Variants in APLP2 observed in about 807,000 individuals in gnomAD.
APLP2 encodes amyloid beta precursor like protein 2, also known as CDEI box-binding protein.
Under a neutral mutation model 89.9 loss-of-function variants are expected in APLP2, and 53 were observed. The observed-to-expected ratio is 0.59, with a 90% CI of 0.47 to 0.74. The LOEUF is 0.74. APLP2 is among the 30% of genes least tolerant of loss of function. The pLI is 0.00. For missense variants in APLP2, 973 were observed against 975.9 expected (o/e 1.00, Z 0.04); for synonymous variants, 372 against 348.6 (o/e 1.07, Z -0.75).
Position 130,110,531 on chromosome 11 carries a change from T to C in APLP2, c.280-7T>C, listed in dbSNP as rs1430901163. ...ATTTATTGTGTGTGTGTTTGTTTTCTTAACAGATGTATCCAGAGCTACAGA... is the reference window on the plus strand; with the variant it reads ...ATTTATTGTGTGTGTGTTTGTTTTCCTAACAGATGTATCCAGAGCTACAGA... On this transcript the variant is annotated splice_region_variant and splice_polypyrimidine_tract_variant and intron_variant, in intron 2 of 16. Transcript: ENST00000338167. The C allele has an allele frequency of 6.2e-7, 1 of 1,611,582 alleles. No individual in the cohort carries two copies. The highest frequency in any genetic ancestry group is 2.2e-5 in the East Asian group (1 of 44,860).
At chr11:130,093,829 C>T (rs539009237) in intron 1 of APLP2, among the ~76,000 whole-genome samples, 272 of 150,108 alleles carry the variant, frequency 1.8e-3, no homozygotes, top group African/African-American at 6.3e-3. Context: ...CCGCAACCTC[C>T]GCCTCCCTGG....
At chr11:130,094,937 C>G (rs569630989) in intron 1 of APLP2, among the ~76,000 whole-genome samples, 1 of 152,304 alleles carries the variant, frequency 6.6e-6, no homozygotes, top group African/African-American at 2.4e-5. Context: ...GCTAGTGTGT[C>G]TGACTACACT....
chr11:130,098,501 G>C (rs569107052), intron 1 of APLP2, among the ~76,000 whole-genome samples: 19 of 152,212 alleles, frequency 1.2e-4, no homozygotes, highest in African/African-American at 4.6e-4. Context: ...GTCAATTTCA[G>C]ATCTCTGACA....
chr11:130,083,026 C>CTTTTCTTTTTTTTTTT (rs1943479091), intron 1 of APLP2, among the ~76,000 whole-genome samples: 1 of 72,488 alleles, frequency 1.4e-5, no homozygotes, highest in African/African-American at 6.3e-5. Flanking sequence ...CTTTTCTTTT[C>CTTTTCTTTTTTTTTTT]TTTTTTTTTT....
At chr11:130,121,452 A>G (rs1949807482) in intron 4 of APLP2, among the ~76,000 whole-genome samples, 162 bp from the exon 5 acceptor site, 1 of 151,604 alleles carries the variant, frequency 6.6e-6, no homozygotes, top group Non-Finnish European at 1.5e-5. Context: ...ATCTTACAAT[A>G]ATATTATTAC....
chr11:130,086,629 C>G (rs375357330), intron 1 of APLP2, among the ~76,000 whole-genome samples: 1 of 152,060 alleles, frequency 6.6e-6, no homozygotes, highest in African/African-American at 2.4e-5. Context: ...AAGTCTTCTT[C>G]TAAGCTAAGA....
At chr11:130,136,486 G>A (rs12793546) in intron 13 of APLP2, among the ~76,000 whole-genome samples, 30,525 of 152,084 alleles carry the variant, frequency 0.2, 6,197 homozygotes, top group African/African-American at 0.53. Context: ...TAACTTGCCC[G>A]AGGTCATGTA....
rs533597302 is a variant in APLP2 at position 130,142,150 on chromosome 11, G to A, written c.2154+76G>A. 3.9e-5 allele frequency: 56 copies of A among 1,431,912 alleles called. No individual in the cohort carries two copies. In the Admixed American group the frequency reaches 1.1e-3, roughly 29 times the overall value. The allele number at this position is 1,431,912 out of a possible 1,614,324, so 88.7% of individuals were successfully genotyped here. On this transcript the variant is annotated intron_variant, in intron 16 of 16. Coordinates refer to ENST00000338167, the MANE Select transcript of APLP2 (RefSeq NM_001142276.2). ...GGGTGGGAACCTGTGGAATTAATAGGCATCTTCACTCCTCGAGTACTGGAC... is the reference window on the plus strand; with the variant it reads ...GGGTGGGAACCTGTGGAATTAATAGACATCTTCACTCCTCGAGTACTGGAC...
chr11:130,127,502 T>C (rs551230631), intron 8 of APLP2, among the ~76,000 whole-genome samples: 2 of 152,260 alleles, frequency 1.3e-5, no homozygotes, highest in Admixed American at 6.5e-5. Flanking sequence ...ATTTTTTTGG[T>C]GAGGAGACTA....
intron 5 of APLP2, among the ~76,000 whole-genome samples, 166 bp from the exon 6 acceptor site, chr11:130,122,139 C>T (rs56282419): frequency 2.6e-5 from 4 of 152,138 alleles, no homozygotes; most frequent in Non-Finnish European, 5.9e-5. Context: ...ACAAATACTT[C>T]CCGTTTGCTG....
In APLP2 at chr11:130,106,567, T is replaced by C. The variant is rs143253795; in HGVS notation, c.106-2862T>C. Among the ~76,000 whole-genome samples the C allele has an allele frequency of 2.6e-3, 391 of 152,250 alleles. 3 individuals carry two copies. Among genetic ancestry groups the C allele is most frequent in the African/African-American group, 8.9e-3 (371 of 41,528 alleles). Reference sequence around the variant, plus strand: ...CTGCAGACTCTTGTCCCGGCATGCCTCTCCCACCATCTCTCTGCCTCAAAA... The same window carrying C: ...CTGCAGACTCTTGTCCCGGCATGCCCCTCCCACCATCTCTCTGCCTCAAAA... On this transcript the variant is annotated intron_variant, in intron 1 of 16. Coordinates refer to ENST00000338167, the MANE Select transcript of APLP2 (RefSeq NM_001142276.2).
At chr11:130,078,400 CTG>C (rs1443211464) in intron 1 of APLP2, among the ~76,000 whole-genome samples, 2 of 143,188 alleles carry the variant, frequency 1.4e-5, no homozygotes, top group African/African-American at 5.8e-5. Context: ...ATGCTGTTCT[CTG>C]TGTGGTTTGC....
At chr11:130,095,967 T>C (rs1020483776) in intron 1 of APLP2, among the ~76,000 whole-genome samples, 1 of 151,324 alleles carries the variant, frequency 6.6e-6, no homozygotes, top group South Asian at 2.1e-4. Context: ...AGTCACATTC[T>C]AGTGATGGGA....
intron 12 of APLP2, among the ~76,000 whole-genome samples, chr11:130,134,488 A>G (rs1332179602): frequency 6.6e-6 from 1 of 152,214 alleles, no homozygotes; most frequent in Non-Finnish European, 1.5e-5. Flanking sequence ...CAGGGACCAG[A>G]TGAGGAAGAA....
intron 2 of APLP2, 53 bp downstream of exon 2, chr11:130,109,655 A>G (rs563576660): frequency 6.4e-7 from 1 of 1,551,312 alleles, no homozygotes; most frequent in Non-Finnish European, 8.7e-7. Flanking sequence ...GCAGGGTTGA[A>G]TCTGTTTACC....
chr11:130,123,601 T>C lies in APLP2; in HGVS notation c.923-11T>C. 1 of 1,610,732 alleles carries C rather than the reference T, an allele frequency of 6.2e-7. No homozygotes were observed. On this transcript the variant is annotated splice_polypyrimidine_tract_variant and intron_variant, in intron 6 of 16. Coordinates refer to ENST00000338167, the MANE Select transcript of APLP2 (RefSeq NM_001142276.2). The surrounding 1 kb of genome is among the most constrained non-coding windows in gnomAD (Gnocchi z 4.0). Reference sequence around the variant, plus strand: ...CTCTGTCCTGCTGACACTCTGACCATTTTCACACAGCTGTCTGCTCCCAGG... The same window carrying C: ...CTCTGTCCTGCTGACACTCTGACCACTTTCACACAGCTGTCTGCTCCCAGG...
chr11:130,118,284 C>T (rs1005361236), intron 3 of APLP2, among the ~76,000 whole-genome samples: 2 of 152,164 alleles, frequency 1.3e-5, no homozygotes, highest in Non-Finnish European at 2.9e-5. Flanking sequence ...ACTTCACTAA[C>T]ATTAACATCA....
chr11:130,092,046 G>GTCTCGGCCGGGCAGAGGCGCTCC (rs1401136714), intron 1 of APLP2, among the ~76,000 whole-genome samples: 113 of 128,346 alleles, frequency 8.8e-4, no homozygotes, highest in Non-Finnish European at 1.3e-3. Context: ...CCCAGACGGG[G>GTCTCGGCCGGGCAGAGGCGCTCC]TCTCGGCCGG....
intron 1 of APLP2, among the ~76,000 whole-genome samples, chr11:130,073,699 G>C (rs1941573681): frequency 6.6e-6 from 1 of 152,096 alleles, no homozygotes; most frequent in Non-Finnish European, 1.5e-5. Flanking sequence ...AAATTAGCTG[G>C]GCGAGATGGC....
Sources: gnomAD v4.1 joint callset for allele counts (sites outside exome capture counted in the v4.1 genomes callset) on GRCh38, gnomAD v4.1.1 for gene constraint, Gnocchi (gnomAD v3.1) non-coding constraint, MANE v1.5 for transcripts, NCBI Gene and HGNC (gene_info 2026-07-23, HGNC 2026-07-21) for gene names.